The following NID1 variants were observed in gnomAD, a reference collection of about 807,000 sequenced individuals.
NID1 encodes the protein nidogen-1.
In NID1, 76 loss-of-function variants were observed where a neutral mutation model predicts 130.6. That is an observed-to-expected ratio of 0.58 (90% CI 0.48 to 0.70). The LOEUF is 0.70. Among genes scored for constraint, NID1 ranks in the 30% least tolerant of loss-of-function variants. The pLI, the probability that NID1 is intolerant of heterozygous loss-of-function variation, is 0.00. For missense variants in NID1, 1,517 were observed against 1,664.8 expected (o/e 0.91, Z 1.54); for synonymous variants, 665 against 675.1 (o/e 0.98, Z 0.23).
At chr1:236,041,817 G>C (rs896104872) in intron 4 of NID1, 93 bp downstream of exon 4, 1 of 1,461,260 alleles carries the variant, frequency 6.8e-7, no homozygotes. Flanking sequence ...AAACCACCAT[G>C]TAATGCTCAC....
In NID1 at chr1:236,045,541, T is replaced by A; in HGVS notation, c.668A>T (p.Gln223Leu). The A allele has an allele frequency of 6.2e-7, 1 of 1,614,176 alleles. No individual in the cohort carries two copies. The highest frequency in any genetic ancestry group is 8.5e-7 in the Non-Finnish European group (1 of 1,180,042). The change falls in exon 3 of 20, where the codon CAA becomes CTA. Residue 223 changes from glutamine (Q) to leucine (L), a missense_variant. This residue lies in a region of NID1 where 1,329 missense variants were observed against 1,429.2 expected (regional missense o/e 0.93). Transcript: ENST00000264187. ...NQVPAVVAFS[Q>L]GSVGFLWKSN... ...CTTCCATAAGAATCCCACTGAACCTTGACTGAATGCAACCACGGCAGGAAC... is the reference window on the plus strand; with the variant it reads ...CTTCCATAAGAATCCCACTGAACCTAGACTGAATGCAACCACGGCAGGAAC...
chr1:235,985,936 A>AT (rs1282397489), intron 14 of NID1, among the ~76,000 whole-genome samples: 6 of 151,916 alleles, frequency 3.9e-5, no homozygotes, highest in Non-Finnish European at 5.9e-5. Flanking sequence ...ATTTCTTAAA[A>AT]TTTTTTGTGG....
rs1483877830 is a variant in NID1, at chr1:236,045,582, CTTT to C, written c.624_626del (p.Lys210del). Reference sequence around the variant, plus strand: ...CGGCAGGAACTTGGTTGTTTTCCTTCTTTGAGAATGTCGTATGGAACTGCAGAC... The same window carrying C: ...CGGCAGGAACTTGGTTGTTTTCCTTCGAGAATGTCGTATGGAACTGCAGAC... On this transcript the variant is annotated inframe_deletion, in exon 3 of 20. Coordinates refer to ENST00000264187, the MANE Select transcript of NID1 (RefSeq NM_002508.3). 6.2e-7 allele frequency: 1 copy of C among 1,613,974 alleles called. No individual in the cohort carries two copies. The highest frequency in any genetic ancestry group is 1.3e-5 in the African/African-American group (1 of 74,882).
intron 12 of NID1, 23 bp downstream of exon 12, chr1:236,011,898 C>T (rs955078024): frequency 1.2e-6 from 2 of 1,612,714 alleles, no homozygotes; most frequent in Non-Finnish European, 8.5e-7. Flanking sequence ...GGGCTACCGA[C>T]TCCAGATGTC....
intron 9 of NID1, among the ~76,000 whole-genome samples, chr1:236,019,317 C>T (rs2102821373): frequency 6.6e-6 from 1 of 152,346 alleles, no homozygotes; most frequent in Admixed American, 6.5e-5. Context: ...GAGGACACTC[C>T]CAGCACAGAT....
intron 10 of NID1, 139 bp downstream of exon 10, chr1:236,017,009 T>C (rs750524041): frequency 9.2e-7 from 1 of 1,081,234 alleles, no homozygotes. Flanking sequence ...AGAGGCTAAG[T>C]CTGATTCATC....
At chr1:236,045,781 G>C (rs3768089) in intron 2 of NID1, 98 bp from the exon 3 acceptor site, 1 of 919,848 alleles carries the variant, frequency 1.1e-6, no homozygotes. Flanking sequence ...CAGTGCTATA[G>C]AGCGATGGCA....
At position 236,042,131 on chromosome 1, in the gene NID1, A is replaced by G. The variant is rs1659470197; in HGVS notation, c.914T>C (p.Leu305Pro). The G allele has an allele frequency of 6.8e-6, 11 of 1,614,144 alleles. No homozygotes were observed. The highest frequency in any genetic ancestry group is 9.3e-6 in the Non-Finnish European group (11 of 1,180,026). ...DYDLATTRLG[L>P]EDVGTTPFSY... ...GAAGGGCGTGGTGCCCACATCCTCC[A>G]GGCCCAGACGAGTGGTCGCCAGGTC... The change falls in exon 4 of 20, where the codon CTG becomes CCG. Residue 305 changes from leucine to proline, a missense_variant. Physicochemically the swap from Leu to Pro is moderately conservative, Grantham distance 98. Coordinates refer to ENST00000264187, the MANE Select transcript of NID1 (RefSeq NM_002508.3).
chr1:236,020,016 G>A (rs904411981), intron 9 of NID1, among the ~76,000 whole-genome samples: 2 of 135,314 alleles, frequency 1.5e-5, no homozygotes, highest in Admixed American at 8.1e-5. Flanking sequence ...CTGCCTGGGC[G>A]ACAGAGCAAG....
intron 1 of NID1, among the ~76,000 whole-genome samples, chr1:236,062,955 A>G (rs1440721666): frequency 6.6e-6 from 1 of 151,340 alleles, no homozygotes; most frequent in Non-Finnish European, 1.5e-5. Flanking sequence ...GGAGTTCAAG[A>G]CCAGCCTGGT....
intron 1 of NID1, among the ~76,000 whole-genome samples, chr1:236,061,069 G>C (rs1191483587): frequency 1.3e-5 from 2 of 152,188 alleles, no homozygotes; most frequent in African/African-American, 4.8e-5. Flanking sequence ...CAAAAGTCAT[G>C]GTTGATGAGG....
Position 236,042,009 on chromosome 1 carries a change from G to A in NID1, c.1036C>T (p.Pro346Ser). ...RAATERPLGP[P>S]TERTRSFQLA... ...TGGAAAGACCTGGTTCTCTCTGTGG[G>A]AGGTCCAAGGGGCCTTTCGGTAGCT... is the stretch of plus-strand genomic sequence containing the variant. Residue 346 changes from proline to serine, a missense_variant, in exon 4 of 20, where the codon CCC becomes TCC. Pro to Ser is a moderately conservative substitution (Grantham distance 74, BLOSUM62 -1). Transcript: ENST00000264187. 6.8e-6 allele frequency: 11 copies of A among 1,614,180 alleles called. No homozygotes were observed. The highest frequency in any genetic ancestry group is 9.3e-6 in the Non-Finnish European group (11 of 1,180,038).
At chr1:236,023,721 A>C (rs1304287098) in intron 9 of NID1, among the ~76,000 whole-genome samples, 2 of 152,210 alleles carry the variant, frequency 1.3e-5, no homozygotes, top group African/African-American at 2.4e-5. Context: ...TGAAGCACTT[A>C]GTTCAAACAG....
intron 9 of NID1, among the ~76,000 whole-genome samples, chr1:236,018,028 A>G (rs1658652642): frequency 6.6e-6 from 1 of 152,246 alleles, no homozygotes; most frequent in African/African-American, 2.4e-5. Context: ...TGAACAATTT[A>G]CAGCTTAATT....
chr1:236,058,540 G>A (rs917267394), intron 1 of NID1, among the ~76,000 whole-genome samples: 2 of 152,224 alleles, frequency 1.3e-5, no homozygotes, highest in African/African-American at 4.8e-5. Flanking sequence ...CTTATAATGG[G>A]AGGGTGTTTC....
chr1:236,018,822 C>G (rs1463679085), intron 9 of NID1, among the ~76,000 whole-genome samples: 2 of 152,194 alleles, frequency 1.3e-5, no homozygotes, highest in East Asian at 3.8e-4. Context: ...CTCTTCTCCC[C>G]CTCATAAATC....
intron 15 of NID1, among the ~76,000 whole-genome samples, chr1:235,984,598 C>T (rs906468237): frequency 1.3e-5 from 2 of 152,170 alleles, no homozygotes; most frequent in Admixed American, 1.3e-4. Context: ...CAAGGTGACT[C>T]CACAGAACAA....
chr1:236,057,933 A>G (rs1404801386), intron 1 of NID1, among the ~76,000 whole-genome samples: 2 of 152,066 alleles, frequency 1.3e-5, no homozygotes, highest in African/African-American at 4.8e-5. Context: ...TAAGTTTGCA[A>G]TTGGCATCTT....
In NID1 at chr1:235,980,529, C is replaced by T. The variant is rs1480229342; in HGVS notation, c.3352G>A (p.Ala1118Thr). 1.9e-6 allele frequency: 3 copies of T among 1,614,192 alleles called. No homozygotes were observed. In the Admixed American group the frequency reaches 5.0e-5, roughly 27 times the overall value. The change falls in exon 17 of 20, where the codon GCG becomes ACG. Residue 1118 changes from alanine to threonine, a missense_variant. This residue lies in a region of NID1 where 181 missense variants were observed against 211.3 expected (regional missense o/e 0.86). Transcript: ENST00000264187. ...LGLPNGLTFD[A>T]FSSQLCWVDA... ...ACCCAGCAGAGCTGAGATGAGAACG[C>T]ATCGAAGGTCAGTCCATTGGGCAAG... is the stretch of plus-strand genomic sequence containing the variant.
Sources: gnomAD v4.1 joint callset for allele counts (sites outside exome capture counted in the v4.1 genomes callset) on GRCh38, gnomAD v4.1.1 for gene constraint, gnomAD v4.1.1 regional missense constraint, MANE v1.5 for transcripts, NCBI Gene and HGNC (gene_info 2026-07-23, HGNC 2026-07-21) for gene names.